FAM83A: variants seen among roughly 807,000 people sequenced by gnomAD.
The protein encoded by FAM83A is protein FAM83A.
Under a neutral mutation model 24.4 loss-of-function variants are expected in FAM83A, and 21 were observed. The ratio of observed to expected loss-of-function variants is 0.86; its 90% confidence interval spans 0.61 to 1.24. FAM83A has a LOEUF of 1.24. Among genes scored for constraint, FAM83A ranks in the 50% most tolerant of loss-of-function variants. The probability of loss-of-function intolerance (pLI) is 0.00; values close to 1 mark genes in which losing one functional copy is unlikely to be tolerated. For synonymous variants in FAM83A, 270 were observed against 252.4 expected, an observed-to-expected ratio of 1.07 and a Z score of -0.66; for missense variants, 617 against 579.8, an observed-to-expected ratio of 1.06 and a Z score of -0.66.
chr8:123,186,996 C>T (rs947808362), intron 1 of FAM83A, among the ~76,000 whole-genome samples: 1 of 152,112 alleles, frequency 6.6e-6, no homozygotes, highest in African/African-American at 2.4e-5. Flanking sequence ...GCTTGGGCAA[C>T]CCTCGGTGCC....
At chr8:123,191,291 T>C (rs958655493) in intron 1 of FAM83A, among the ~76,000 whole-genome samples, 2 of 152,186 alleles carry the variant, frequency 1.3e-5, no homozygotes, top group African/African-American at 4.8e-5. Context: ...CCCTTCTCCA[T>C]CCCACGGGGA....
At chr8:123,203,586 C>CAAAAAAA (rs1187426797) in intron 3 of FAM83A, among the ~76,000 whole-genome samples, 3 of 41,172 alleles carry the variant, frequency 7.3e-5, no homozygotes, top group African/African-American at 2.1e-4. Context: ...AGATCTGTCT[C>CAAAAAAA]AAAAAAAAAA....
intron 1 of FAM83A, among the ~76,000 whole-genome samples, chr8:123,187,627 G>A (rs1273834543): frequency 6.6e-6 from 1 of 152,166 alleles, no homozygotes; most frequent in Admixed American, 6.5e-5. Flanking sequence ...AAACTATTCA[G>A]TTTTAGTTTC....
intron 3 of FAM83A, among the ~76,000 whole-genome samples, chr8:123,198,132 A>G (rs538510164): frequency 6.6e-6 from 1 of 151,866 alleles, no homozygotes; most frequent in South Asian, 2.1e-4. Flanking sequence ...CTCTCCCTTA[A>G]AATAAATAAA....
intron 3 of FAM83A, among the ~76,000 whole-genome samples, chr8:123,205,406 G>A (rs1438390174): frequency 6.6e-6 from 1 of 152,252 alleles, no homozygotes; most frequent in East Asian, 1.9e-4. Flanking sequence ...TGGCGGGGCT[G>A]GCGCTTGGCT....
intron 3 of FAM83A, among the ~76,000 whole-genome samples, chr8:123,198,773 G>T (rs79085160): frequency 0.016 from 2,404 of 151,962 alleles, 78 homozygotes; most frequent in African/African-American, 0.055. Flanking sequence ...TTTTTGAGAC[G>T]CTCTTTTGCC....
At chr8:123,198,538 C>G (rs1306786382) in intron 3 of FAM83A, among the ~76,000 whole-genome samples, 3 of 152,188 alleles carry the variant, frequency 2.0e-5, no homozygotes, top group Admixed American at 2.0e-4. Flanking sequence ...CAAATGGTGT[C>G]AAATGCTGGG....
At chr8:123,192,204 ACT>A (rs1300599899) in intron 2 of FAM83A, among the ~76,000 whole-genome samples, 2 of 151,972 alleles carry the variant, frequency 1.3e-5, no homozygotes, top group African/African-American at 4.8e-5. Context: ...AGGCTGGGAG[ACT>A]CTGCAGGATG....
At chr8:123,188,241 G>A (rs924532013) in intron 1 of FAM83A, among the ~76,000 whole-genome samples, 5 of 151,744 alleles carry the variant, frequency 3.3e-5, no homozygotes, top group African/African-American at 1.2e-4. Flanking sequence ...TTCACACGAC[G>A]GCTTTCTCCT....
At chr8:123,183,093 G>A (rs370506087) in exon 1 of FAM83A, 29 of 1,613,816 alleles carry the variant, frequency 1.8e-5, no homozygotes, top group Admixed American at 3.3e-5. Context: ...GGGAGCCCCC[G>A]TGTCCCCCAG....
At position 123,209,052 on chromosome 8, in the gene FAM83A, G is replaced by C. The variant is rs1043797147; in HGVS notation, c.*1364G>C. ...ATGTCAGAGACACTTCCCAGATAAA[G>C]TAAGAGTTAACCCTGCACCTCAGGT... On this transcript the variant is annotated 3_prime_UTR_variant, in exon 4 of 4. Coordinates refer to ENST00000690554, the Ensembl canonical transcript of FAM83A. This position sits in a 1 kb window ranked among gnomAD's most constrained non-coding sequence, Gnocchi z 4.7. 6 of 993,322 alleles carry C rather than the reference G, an allele frequency of 6.0e-6. No homozygotes were observed. Among genetic ancestry groups the C allele is most frequent in the Admixed American group, 5.9e-5 (1 of 16,852 alleles). 61.5% of individuals were successfully genotyped at this position (993,322 alleles called of 1,614,324 possible).
Position 123,199,166 on chromosome 8 carries a change from C to T in FAM83A, c.773+5018C>T, listed in dbSNP as rs75022166. Among the ~76,000 whole-genome samples, 4 of 152,232 alleles carry T rather than the reference C, an allele frequency of 2.6e-5. No individual in the cohort carries two copies. The East Asian group carries it at 7.7e-4, about 29-fold the overall frequency. ...ATTGTTGTAAAATTAAGTAAAACAG[C>T]AAGTGTAAATACTTCGCTGCTGGGC... On this transcript the variant is annotated intron_variant, in intron 3 of 3. Coordinates refer to ENST00000690554, the Ensembl canonical transcript of FAM83A.
chr8:123,194,009 C>T lies in FAM83A; in HGVS notation c.649-15C>T. The T allele has an allele frequency of 6.2e-7, 1 of 1,613,986 alleles. No individual in the cohort carries two copies. The highest frequency in any genetic ancestry group is 8.5e-7 in the Non-Finnish European group (1 of 1,179,920). The stretch of plus-strand genomic sequence containing the variant: ...ACAGAATTAGGAAGTGACACCTTGA[C>T]TTTCCCTCCAACAGAACATTTCCAT... On this transcript the variant is annotated splice_polypyrimidine_tract_variant and intron_variant, in intron 2 of 3. Transcript: ENST00000690554.
chr8:123,208,638 G>T, exon 4 of FAM83A: 6 of 985,496 alleles, frequency 6.1e-6, no homozygotes, highest in Non-Finnish European at 7.2e-6. Flanking sequence ...TTTGTTTCTG[G>T]GGTGGAACTA....
chr8:123,182,647 A>ATCCCGCAG (rs1563777463), upstream of FAM83A: 1 of 812,090 alleles, frequency 1.2e-6, no homozygotes, highest in Non-Finnish European at 2.1e-6. Flanking sequence ...AGATAAGCCA[A>ATCCCGCAG]TCCCGCAGCT....
At chr8:123,203,177 T>A (rs1824416296) in intron 3 of FAM83A, among the ~76,000 whole-genome samples, 1 of 150,538 alleles carries the variant, frequency 6.6e-6, no homozygotes, top group Non-Finnish European at 1.5e-5. Context: ...GAAAATAAAC[T>A]AAAACTCTCA....
chr8:123,209,389 T>C lies in FAM83A; in HGVS notation c.*1701T>C, dbSNP rs375771057. 36 of 1,553,550 alleles carry C rather than the reference T, an allele frequency of 2.3e-5. No homozygotes were observed. In the African/African-American group the frequency reaches 4.2e-4, roughly 18 times the overall value. Reference sequence around the variant, plus strand: ...CTTTTATTATTATTATTATTATTAATTATTGTATTCCTGTCCTTCACTTTT... The same window carrying C: ...CTTTTATTATTATTATTATTATTAACTATTGTATTCCTGTCCTTCACTTTT... On this transcript the variant is annotated 3_prime_UTR_variant, in exon 4 of 4. Transcript: ENST00000690554. This position sits in a 1 kb window ranked among gnomAD's most constrained non-coding sequence, Gnocchi z 4.7.
intron 3 of FAM83A, among the ~76,000 whole-genome samples, chr8:123,204,995 C>A (rs886875785): frequency 6.6e-6 from 1 of 151,860 alleles, no homozygotes; most frequent in Non-Finnish European, 1.5e-5. Flanking sequence ...CACCTGTAAT[C>A]CCAGCTACTC....
chr8:123,209,658 G>A lies in FAM83A; in HGVS notation c.*1970G>A. On this transcript the variant is annotated 3_prime_UTR_variant, in exon 4 of 4. Coordinates refer to ENST00000690554, the Ensembl canonical transcript of FAM83A. This position sits in a 1 kb window ranked among gnomAD's most constrained non-coding sequence, Gnocchi z 4.7. ...AAGCTCCCAAGCCCAGCTTTCCAAAGGCCTCAGCCTGTGCCTGTGTCGAGC... is the reference window on the plus strand; with the variant it reads ...AAGCTCCCAAGCCCAGCTTTCCAAAAGCCTCAGCCTGTGCCTGTGTCGAGC... The A allele has an allele frequency of 8.1e-7, 1 of 1,229,848 alleles. No individual in the cohort carries two copies. Among genetic ancestry groups the A allele is most frequent in the East Asian group, 2.5e-5 (1 of 39,668 alleles). The allele number at this position is 1,229,848 out of a possible 1,614,324, so 76.2% of individuals were successfully genotyped here.
Sources: allele counts gnomAD v4.1 joint callset (sites outside exome capture counted in the v4.1 genomes callset), GRCh38; gene constraint gnomAD v4.1.1; non-coding constraint Gnocchi (gnomAD v3.1); transcripts MANE v1.5; gene names NCBI Gene and HGNC (gene_info 2026-07-23, HGNC 2026-07-21).